Variants in PKD1L3 observed in about 807,000 individuals in gnomAD.
The protein encoded by PKD1L3 is polycystin 1 like 3, transient receptor potential channel interacting.
In PKD1L3, 239 loss-of-function variants were observed where a neutral mutation model predicts 184.1. The ratio of observed to expected loss-of-function variants is 1.30; its 90% CI spans 1.17 to 1.45. The LOEUF (loss-of-function observed/expected upper bound fraction) is 1.45, where lower values mean the gene tolerates loss of function less well. PKD1L3 is among the 40% of genes most tolerant of loss of function. The pLI is 0.00. For missense variants in PKD1L3, 2,660 were observed against 2,067.2 expected, an observed-to-expected ratio of 1.29 and a Z score of -5.56; for synonymous variants, 996 against 778.8, an observed-to-expected ratio of 1.28 and a Z score of -4.64.
intron 6 of PKD1L3, 43 bp from the exon 7 acceptor site, chr16:71,982,278 C>CT (rs35324670): frequency 0.21 from 89,607 of 428,352 alleles, 3,137 homozygotes; most frequent in Non-Finnish European, 0.22. Flanking sequence ...GAATTGTTTG[C>CT]TTTTTTTTTT....
In PKD1L3 at chr16:71,938,275, C is replaced by G. The variant is rs2038247277; in HGVS notation, c.4325-856G>C. ...GTGTGTGCGCTTGGGGCAGTGCTGA[C>G]AAGCAGCCCCCTACTGCCTCGGCCT... On this transcript the variant is annotated intron_variant, in intron 24 of 29. Coordinates refer to ENST00000620267, the MANE Select transcript of PKD1L3 (RefSeq NM_181536.2). Among the ~76,000 whole-genome samples the G allele has an allele frequency of 2.0e-5, 3 of 152,370 alleles. No individual in the cohort carries two copies. The South Asian group carries it at 6.2e-4, about 32-fold the overall frequency.
chr16:71,993,136 CATTA>C, intron 3 of PKD1L3, 76 bp downstream of exon 3: 2 of 999,288 alleles, frequency 2.0e-6, no homozygotes, highest in East Asian at 2.7e-5. Flanking sequence ...CACATTTCAG[CATTA>C]ATTCAGTCTT....
chr16:71,963,608 C>A (rs988488456), intron 15 of PKD1L3, among the ~76,000 whole-genome samples: 15 of 152,118 alleles, frequency 9.9e-5, no homozygotes, highest in Middle Eastern at 3.2e-3. Flanking sequence ...GTCGCAAAAT[C>A]CCAACTCTAC....
intron 23 of PKD1L3, 65 bp from the exon 24 acceptor site, chr16:71,943,089 T>A (rs1173977436): frequency 1.1e-5 from 15 of 1,317,306 alleles, no homozygotes; most frequent in Admixed American, 9.5e-5. Flanking sequence ...CTATGTCTTT[T>A]TCATTTTTCC....
intron 16 of PKD1L3, among the ~76,000 whole-genome samples, chr16:71,962,233 T>C (rs1467870456): frequency 6.6e-6 from 1 of 151,656 alleles, no homozygotes; most frequent in Non-Finnish European, 1.5e-5. Flanking sequence ...TAGGACATGG[T>C]GTGTGGGCCT....
At chr16:71,953,896 G>C (rs1285980864) in intron 17 of PKD1L3, among the ~76,000 whole-genome samples, 1 of 152,172 alleles carries the variant, frequency 6.6e-6, no homozygotes, top group East Asian at 1.9e-4. Context: ...AATCCTGAAA[G>C]TAAGGGTAGT....
chr16:71,964,779 T>C (rs954662540), intron 15 of PKD1L3, among the ~76,000 whole-genome samples: 1 of 152,110 alleles, frequency 6.6e-6, no homozygotes, highest in African/African-American at 2.4e-5. Flanking sequence ...TCCTCTGTCT[T>C]TATAGAATAG....
intron 21 of PKD1L3, 24 bp downstream of exon 21, chr16:71,949,759 T>C: frequency 6.5e-7 from 1 of 1,538,826 alleles, no homozygotes. Context: ...GCAACTCCAA[T>C]GGTTCTTCCC....
At chr16:71,979,461 C>T (rs1459515754) in intron 9 of PKD1L3, among the ~76,000 whole-genome samples, 1 of 148,292 alleles carries the variant, frequency 6.7e-6, no homozygotes, top group African/African-American at 2.5e-5. Context: ...CAAAACAAAA[C>T]AAAACAAGAC....
At chr16:71,962,890 T>A (rs943708022) in intron 16 of PKD1L3, among the ~76,000 whole-genome samples, 1 of 152,222 alleles carries the variant, frequency 6.6e-6, no homozygotes, top group Non-Finnish European at 1.5e-5. Context: ...AGTGGTATCC[T>A]TTTTATATTC....
chr16:71,963,456 T>A, intron 15 of PKD1L3, 105 bp from the exon 16 acceptor site: 2 of 1,189,712 alleles, frequency 1.7e-6, no homozygotes, highest in Non-Finnish European at 2.3e-6. Flanking sequence ...GTAAATGAAC[T>A]GTTTCATTGC....
rs2037884658 is a variant in PKD1L3 at position 71,930,159 on chromosome 16, C to T, written c.4951G>A (p.Gly1651Ser). Residue 1651 changes from glycine to serine, a missense_variant, in exon 29 of 30, where the codon GGC becomes AGC. By Grantham distance (56) the Gly-to-Ser change is moderately conservative. Coordinates refer to ENST00000620267, the MANE Select transcript of PKD1L3 (RefSeq NM_181536.2). ...ACACTGGTGAGGATCAGAAAGGTGC[C>T]CAGGACTGGGTCTAAAGCGAAAACC... ...EEVFALDPVL[G>S]TFLILTSVIL... 6.5e-7 allele frequency: 1 copy of T among 1,550,220 alleles called. No individual in the cohort carries two copies.
At chr16:71,994,810 C>G (rs2040724876) in intron 2 of PKD1L3, among the ~76,000 whole-genome samples, 1 of 151,942 alleles carries the variant, frequency 6.6e-6, no homozygotes, top group Non-Finnish European at 1.5e-5. Context: ...ACCAGCCTGG[C>G]CAGGATGGTG....
intron 24 of PKD1L3, among the ~76,000 whole-genome samples, chr16:71,938,891 G>C (rs73590039): frequency 2.0e-5 from 3 of 152,272 alleles, no homozygotes; most frequent in South Asian, 2.1e-4. Context: ...ACAAGAACTC[G>C]GGACCCGCTG....
intron 5 of PKD1L3, among the ~76,000 whole-genome samples, chr16:71,985,326 G>A (rs2040314724): frequency 6.6e-6 from 1 of 152,090 alleles, no homozygotes; most frequent in Admixed American, 6.6e-5. Flanking sequence ...GCAGGGAAAT[G>A]TTCAACTGCA....
intron 2 of PKD1L3, among the ~76,000 whole-genome samples, chr16:71,996,349 C>T (rs1171138925): frequency 6.6e-6 from 1 of 151,140 alleles, no homozygotes; most frequent in Non-Finnish European, 1.5e-5. Flanking sequence ...GCAACCTCCG[C>T]CTCCCGGTTC....
At position 71,993,196 on chromosome 16, in the gene PKD1L3, C is replaced by T. The variant is rs1177423848; in HGVS notation, c.535+20G>A. 11 of 1,477,892 alleles carry T rather than the reference C, an allele frequency of 7.4e-6. No homozygotes were observed. In the Admixed American group the frequency reaches 1.1e-4, roughly 15 times the overall value. 91.5% of individuals were successfully genotyped at this position (1,477,892 alleles called of 1,614,324 possible). A position where few individuals can be genotyped will look rare whatever the true frequency, so the allele number is the denominator to read the frequency against. On this transcript the variant is annotated intron_variant, in intron 3 of 29. Coordinates refer to ENST00000620267, the MANE Select transcript of PKD1L3 (RefSeq NM_181536.2). ...TTGATTCCACGGATTTTTAAGGTTA[C>T]TAGAGGAGTAACGCATTACCTGGGG...
At chr16:71,968,984 G>C (rs2039606599) in intron 13 of PKD1L3, among the ~76,000 whole-genome samples, 2 of 151,758 alleles carry the variant, frequency 1.3e-5, no homozygotes, top group South Asian at 4.2e-4. Context: ...GAGTGCAGTG[G>C]GGCAATCTCG....
chr16:71,968,868 T>C (rs1446267410), intron 13 of PKD1L3, among the ~76,000 whole-genome samples: 1 of 151,910 alleles, frequency 6.6e-6, no homozygotes, highest in African/African-American at 2.4e-5. Context: ...TGTGCTGGGA[T>C]TATAGGCGTG....
Sources: gnomAD v4.1 joint callset for allele counts (sites outside exome capture counted in the v4.1 genomes callset) on GRCh38, gnomAD v4.1.1 for gene constraint, MANE v1.5 for transcripts, NCBI Gene and HGNC (gene_info 2026-07-23, HGNC 2026-07-21) for gene names.